The following CACNG5 variants were observed in gnomAD, a reference collection of about 807,000 sequenced individuals.
The protein encoded by CACNG5 is calcium voltage-gated channel auxiliary subunit gamma 5, also known as voltage-dependent calcium channel gamma-5 subunit.
In CACNG5, 18 loss-of-function variants were observed where a neutral mutation model predicts 24.8. That is an observed-to-expected ratio of 0.73 (90% confidence interval 0.50 to 1.08). The LOEUF is 1.08. Ranked by LOEUF, CACNG5 falls within the 50% of genes least tolerant of loss-of-function variation. The probability of loss-of-function intolerance (pLI) is 0.00; values close to 1 mark genes in which losing one functional copy is unlikely to be tolerated. For missense variants in CACNG5, 349 were observed against 367.9 expected, an observed-to-expected ratio of 0.95 and a Z score of 0.42; for synonymous variants, 157 against 149.1, an observed-to-expected ratio of 1.05 and a Z score of -0.39.
In CACNG5 at chr17:66,894,737, G is replaced by A. The variant is rs575497799; in HGVS notation, c.*9497G>A. Among the ~76,000 whole-genome samples the A allele has an allele frequency of 1.3e-5, 2 of 152,114 alleles. No homozygotes were observed. The highest frequency in any genetic ancestry group is 3.9e-4 in the East Asian group (2 of 5,180). The stretch of plus-strand genomic sequence containing the variant: ...GCATGTGTATTTTAATTTAAATAAA[G>A]GGTACTGCATTATATATGCATCTCT... On this transcript the variant is annotated 3_prime_UTR_variant, in exon 6 of 6. Coordinates refer to ENST00000533854, the MANE Select transcript of CACNG5 (RefSeq NM_145811.3).
At chr17:66,849,020 G>A (rs902418279) in intron 1 of CACNG5, among the ~76,000 whole-genome samples, 1 of 152,134 alleles carries the variant, frequency 6.6e-6, no homozygotes, top group Non-Finnish European at 1.5e-5. Context: ...TTGAGTGCTT[G>A]TTGTCAGCCC....
intron 1 of CACNG5, among the ~76,000 whole-genome samples, chr17:66,874,845 T>C (rs930596040): frequency 6.6e-6 from 1 of 152,240 alleles, no homozygotes; most frequent in Non-Finnish European, 1.5e-5. Flanking sequence ...TGTTCTCCAC[T>C]GCTCCCCTTA....
intron 2 of CACNG5, among the ~76,000 whole-genome samples, chr17:66,878,393 G>A (rs1388192428): frequency 6.6e-6 from 1 of 152,232 alleles, no homozygotes; most frequent in Admixed American, 6.5e-5. Context: ...GTACAGCTTT[G>A]GGGGATGGAG....
intron 1 of CACNG5, among the ~76,000 whole-genome samples, chr17:66,841,017 A>G (rs184500966): frequency 3.3e-5 from 5 of 152,126 alleles, no homozygotes; most frequent in African/African-American, 9.7e-5. Context: ...GGTCTCAGTT[A>G]ATTTAGGAAG....
In CACNG5 at chr17:66,888,457, T is replaced by C. The variant is rs146224773; in HGVS notation, c.*3217T>C. On this transcript the variant is annotated 3_prime_UTR_variant, in exon 6 of 6. Coordinates refer to ENST00000533854, the MANE Select transcript of CACNG5 (RefSeq NM_145811.3). ...TACTTGGGAGGCTGAAGCAGGAGAA[T>C]GGCGTGAACCTGGGAGGCAGAGCTT... Among the ~76,000 whole-genome samples the C allele has an allele frequency of 7.1e-6, 1 of 141,760 alleles. No individual in the cohort carries two copies. The highest frequency in any genetic ancestry group is 2.1e-4 in the East Asian group (1 of 4,696). The allele number at this position is 141,760 out of a possible 152,430, so 93.0% of individuals were successfully genotyped here.
chr17:66,884,853 C>A (rs771676816), intron 5 of CACNG5, 130 bp from the exon 6 acceptor site: 85 of 1,613,234 alleles, frequency 5.3e-5, no homozygotes, highest in Non-Finnish European at 1.0e-5. Flanking sequence ...CCAGGATGTC[C>A]CCAGGACCCT....
intron 4 of CACNG5, among the ~76,000 whole-genome samples, chr17:66,883,029 A>G (rs879906773): frequency 7.9e-5 from 12 of 151,768 alleles, no homozygotes; most frequent in Non-Finnish European, 1.5e-4. Context: ...CTGTCCATCC[A>G]TTTTTCAATC....
chr17:66,861,470 G>A (rs1344559560), intron 1 of CACNG5, among the ~76,000 whole-genome samples: 1 of 152,196 alleles, frequency 6.6e-6, no homozygotes, highest in Non-Finnish European at 1.5e-5. Context: ...ATTACTATGT[G>A]TAAATTGCTA....
intron 1 of CACNG5, among the ~76,000 whole-genome samples, chr17:66,856,987 A>G (rs1333078527): frequency 6.6e-6 from 1 of 152,172 alleles, no homozygotes; most frequent in Non-Finnish European, 1.5e-5. Context: ...GTGAAGTTTT[A>G]AAGAAAATTA....
At chr17:66,852,599 A>T (rs1976720829) in intron 1 of CACNG5, among the ~76,000 whole-genome samples, 1 of 152,212 alleles carries the variant, frequency 6.6e-6, no homozygotes, top group Non-Finnish European at 1.5e-5. Flanking sequence ...ATTAGTATAT[A>T]ATGAAATGTA....
chr17:66,841,374 C>T (rs1976565722), intron 1 of CACNG5, among the ~76,000 whole-genome samples: 1 of 152,308 alleles, frequency 6.6e-6, no homozygotes, highest in East Asian at 1.9e-4. Context: ...CAGTTCCCAG[C>T]TTGACTTTTC....
chr17:66,847,700 C>T (rs980424438), intron 1 of CACNG5, among the ~76,000 whole-genome samples: 1 of 152,014 alleles, frequency 6.6e-6, no homozygotes, highest in African/African-American at 2.4e-5. Context: ...ACCCACCTTC[C>T]CCCAGTCATG....
chr17:66,873,729 A>G (rs1281108875), intron 1 of CACNG5, among the ~76,000 whole-genome samples: 1 of 152,148 alleles, frequency 6.6e-6, no homozygotes, highest in Non-Finnish European at 1.5e-5. Context: ...AATTTTGTGG[A>G]GTGAGCAAGG....
chr17:66,877,555 CCCTGCCCCCTGACATCA>C, intron 2 of CACNG5, 27 bp downstream of exon 2: 1 of 1,590,358 alleles, frequency 6.3e-7, no homozygotes, highest in Non-Finnish European at 8.6e-7. Context: ...TTGGGGACAG[CCCTGCCCCCTGACATCA>C]CCTGCCCCAA....
intron 1 of CACNG5, among the ~76,000 whole-genome samples, chr17:66,860,351 A>ATATAGCCGT (rs1446421624): frequency 6.6e-6 from 1 of 152,240 alleles, no homozygotes; most frequent in African/African-American, 2.4e-5. Flanking sequence ...ATCATAGTCA[A>ATATAGCCGT]AATGTCAAAA....
chr17:66,836,554 C>G (rs964013132), intron 1 of CACNG5, among the ~76,000 whole-genome samples: 1 of 152,220 alleles, frequency 6.6e-6, no homozygotes, highest in African/African-American at 2.4e-5. Context: ...GCCGAAGTCT[C>G]CTGCCTGCCT....
chr17:66,886,635 G>A lies in CACNG5; in HGVS notation c.*1395G>A, dbSNP rs1042554599. Among the ~76,000 whole-genome samples, 1 of 152,190 alleles carries A rather than the reference G, an allele frequency of 6.6e-6. No homozygotes were observed. The highest frequency in any genetic ancestry group is 1.5e-5 in the Non-Finnish European group (1 of 68,032). ...CTTGCCCTCTTTAAGACGCCGCTAG[G>A]TTCTGAGAACAGAAAGCCATGGTGG... is the stretch of plus-strand genomic sequence containing the variant. On this transcript the variant is annotated 3_prime_UTR_variant, in exon 6 of 6. Coordinates refer to ENST00000533854, the MANE Select transcript of CACNG5 (RefSeq NM_145811.3).
At position 66,886,102 on chromosome 17, in the gene CACNG5, G is replaced by A. The variant is rs1977256172; in HGVS notation, c.*862G>A. ...GTTCCTATTACCAGACACTGTTTCTGGTCCTGGGGATACTGTCCCCTTACA... is the reference window on the plus strand; with the variant it reads ...GTTCCTATTACCAGACACTGTTTCTAGTCCTGGGGATACTGTCCCCTTACA... On this transcript the variant is annotated 3_prime_UTR_variant, in exon 6 of 6. Coordinates refer to ENST00000533854, the MANE Select transcript of CACNG5 (RefSeq NM_145811.3). Among the ~76,000 whole-genome samples, 1 of 152,180 alleles carries A rather than the reference G, an allele frequency of 6.6e-6. No homozygotes were observed. The highest frequency in any genetic ancestry group is 2.1e-4 in the South Asian group (1 of 4,826).
At chr17:66,839,117 A>G (rs1296240412) in intron 1 of CACNG5, among the ~76,000 whole-genome samples, 1 of 151,730 alleles carries the variant, frequency 6.6e-6, no homozygotes. Context: ...ATGTGTCACC[A>G]CGCCCAGCTA....
Sources: allele counts gnomAD v4.1 joint callset (sites outside exome capture counted in the v4.1 genomes callset), GRCh38; gene constraint gnomAD v4.1.1; transcripts MANE v1.5; gene names NCBI Gene and HGNC (gene_info 2026-07-23, HGNC 2026-07-21).